OSBPL6: variants seen among roughly 807,000 people sequenced by gnomAD.
The protein encoded by OSBPL6 is oxysterol-binding protein-related protein 6.
OSBPL6 carries 49 observed loss-of-function variants against 125.8 expected under a neutral mutation model. That is an observed-to-expected ratio of 0.39 (90% CI 0.31 to 0.49). The LOEUF (loss-of-function observed/expected upper bound fraction) is 0.49, where lower values mean the gene tolerates loss of function less well. Among genes scored for constraint, OSBPL6 ranks in the 20% least tolerant of loss-of-function variants. The pLI, the probability that OSBPL6 is intolerant of heterozygous loss-of-function variation, is 0.88. For synonymous variants in OSBPL6, 394 were observed against 391.8 expected, an observed-to-expected ratio of 1.01 and a Z score of -0.07; for missense variants, 986 against 1,135.4, an observed-to-expected ratio of 0.87 and a Z score of 1.89.
chr2:178,392,291 A>C, intron 22 of OSBPL6, 121 bp from the exon 23 acceptor site: 1 of 1,178,044 alleles, frequency 8.5e-7, no homozygotes, highest in East Asian at 2.4e-5. Flanking sequence ...AAAAATCTAT[A>C]ATCTTGTGTT....
chr2:178,371,835 T>C (rs919192544), intron 13 of OSBPL6, among the ~76,000 whole-genome samples: 1 of 152,170 alleles, frequency 6.6e-6, no homozygotes, highest in African/African-American at 2.4e-5. Context: ...GGCTTGAGTA[T>C]AATGGGACTC....
At chr2:178,234,443 A>G (rs1291661076) in intron 1 of OSBPL6, among the ~76,000 whole-genome samples, 1 of 152,148 alleles carries the variant, frequency 6.6e-6, no homozygotes, top group Admixed American at 6.6e-5. Flanking sequence ...TTTAAAAAAT[A>G]CTTTTTGTTT....
At chr2:178,354,360 C>T (rs1691572284) in intron 12 of OSBPL6, among the ~76,000 whole-genome samples, 1 of 151,932 alleles carries the variant, frequency 6.6e-6, no homozygotes, top group East Asian at 1.9e-4. Flanking sequence ...TGCAGAGGCA[C>T]ACATAGGCTC....
At chr2:178,241,469 G>A (rs1468588301) in intron 1 of OSBPL6, among the ~76,000 whole-genome samples, 1 of 150,366 alleles carries the variant, frequency 6.7e-6, no homozygotes, top group Non-Finnish European at 1.5e-5. Flanking sequence ...AGGCTGGAGT[G>A]CAGTGGTGTG....
chr2:178,196,364 T>C (rs1182581033), intron 1 of OSBPL6, among the ~76,000 whole-genome samples: 1 of 152,194 alleles, frequency 6.6e-6, no homozygotes, highest in Admixed American at 6.5e-5. Context: ...AATTTCAGGC[T>C]TTTAGAAAGC....
At chr2:178,385,892 G>T (rs1055610616) in intron 19 of OSBPL6, among the ~76,000 whole-genome samples, 3 of 152,130 alleles carry the variant, frequency 2.0e-5, no homozygotes, top group Admixed American at 6.6e-5. Flanking sequence ...CTGAAGGAAG[G>T]CTCTATGACA....
chr2:178,243,071 A>G (rs928471661), intron 1 of OSBPL6, among the ~76,000 whole-genome samples: 3 of 152,162 alleles, frequency 2.0e-5, no homozygotes, highest in African/African-American at 7.2e-5. Flanking sequence ...TATAAAATCA[A>G]TAACTCTGTG....
intron 11 of OSBPL6, among the ~76,000 whole-genome samples, chr2:178,348,403 G>A (rs1690929848): frequency 6.6e-6 from 1 of 152,148 alleles, no homozygotes. Flanking sequence ...AGGAATGTTT[G>A]GCTGACATTT....
intron 1 of OSBPL6, among the ~76,000 whole-genome samples, chr2:178,224,063 G>A (rs2090451379): frequency 6.6e-6 from 1 of 152,210 alleles, no homozygotes; most frequent in South Asian, 2.1e-4. Context: ...CATCTGAAGG[G>A]AGGAACTCTG....
At chr2:178,214,843 C>T (rs758173690) in intron 1 of OSBPL6, among the ~76,000 whole-genome samples, 1 of 151,812 alleles carries the variant, frequency 6.6e-6, no homozygotes, top group Admixed American at 6.6e-5. Flanking sequence ...TCCAGCTACT[C>T]AAGAGGCTGA....
chr2:178,375,407 G>A (rs938667709), intron 15 of OSBPL6, among the ~76,000 whole-genome samples: 2 of 151,836 alleles, frequency 1.3e-5, no homozygotes, highest in Admixed American at 1.3e-4. Flanking sequence ...TTTTTTTGTT[G>A]TTGTTGTTTT....
chr2:178,349,537 C>T (rs1691042783), intron 12 of OSBPL6, 148 bp downstream of exon 12: 1 of 903,148 alleles, frequency 1.1e-6, no homozygotes, highest in Non-Finnish European at 1.6e-6. Flanking sequence ...AAAAATGCAA[C>T]AGGACATGAT....
In OSBPL6 at chr2:178,391,063, G is replaced by A. The variant is rs377327901; in HGVS notation, c.2302-10G>A. On this transcript the variant is annotated splice_polypyrimidine_tract_variant and intron_variant, in intron 21 of 24. Transcript: ENST00000190611. The stretch of plus-strand genomic sequence containing the variant: ...CATCAAATGTCACAATTGGGGTTTG[G>A]TTTTTCCAGGTGAATTATTGGAATT... The A allele has an allele frequency of 5.0e-6, 8 of 1,612,812 alleles. No homozygotes were observed. Among genetic ancestry groups the A allele is most frequent in the Non-Finnish European group, 6.8e-6 (8 of 1,179,588 alleles).
chr2:178,237,734 T>C (rs927938443), intron 1 of OSBPL6, among the ~76,000 whole-genome samples: 1 of 151,936 alleles, frequency 6.6e-6, no homozygotes, highest in Non-Finnish European at 1.5e-5. Flanking sequence ...CACCCTGGAG[T>C]TGTGACAACC....
At chr2:178,208,229 T>C (rs1170308182) in intron 1 of OSBPL6, among the ~76,000 whole-genome samples, 1 of 149,378 alleles carries the variant, frequency 6.7e-6, no homozygotes, top group Non-Finnish European at 1.5e-5. Context: ...GAGGTTGCAA[T>C]GAGCCAAGAT....
chr2:178,341,855 A>G (rs1218318564), intron 11 of OSBPL6, among the ~76,000 whole-genome samples: 1 of 152,096 alleles, frequency 6.6e-6, no homozygotes, highest in Admixed American at 6.5e-5. Context: ...GAGCCTCAGG[A>G]TACTCATTCT....
intron 12 of OSBPL6, among the ~76,000 whole-genome samples, chr2:178,355,059 C>T (rs368090245): frequency 3.3e-5 from 5 of 152,252 alleles, no homozygotes; most frequent in East Asian, 3.9e-4. Context: ...ACACAACTTA[C>T]CAGAATCTCT....
In OSBPL6 at chr2:178,294,716, A is replaced by G. The variant is rs535762982; in HGVS notation, c.-156+9595A>G. 1.3e-3 allele frequency among the ~76,000 whole-genome samples: 187 copies of G among 142,130 alleles called. 3 individuals carry two copies. In the South Asian group the frequency reaches 0.03, roughly 23 times the overall value. 93.2% of individuals were successfully genotyped at this position (142,130 alleles called of 152,430 possible). A position where few individuals can be genotyped will look rare whatever the true frequency, so the allele number is the denominator to read the frequency against. On this transcript the variant is annotated intron_variant, in intron 2 of 24. Coordinates refer to ENST00000190611, the MANE Select transcript of OSBPL6 (RefSeq NM_032523.4). ...TAAGTTAGTTTCGGCCACCACAGCT[A>G]TTTTTTTTTTTTTTTGGAACATTTC...
At chr2:178,265,002 G>T (rs2092183904) in intron 1 of OSBPL6, among the ~76,000 whole-genome samples, 1 of 151,196 alleles carries the variant, frequency 6.6e-6, no homozygotes, top group African/African-American at 2.4e-5. Flanking sequence ...CAGTCCTCCT[G>T]CCTCAGCCTC....
Sources: allele counts gnomAD v4.1 joint callset (sites outside exome capture counted in the v4.1 genomes callset), GRCh38; gene constraint gnomAD v4.1.1; transcripts MANE v1.5; gene names NCBI Gene and HGNC (gene_info 2026-07-23, HGNC 2026-07-21).